CREG1: variants seen among roughly 807,000 people sequenced by gnomAD.
The protein encoded by CREG1 is cellular repressor of E1A stimulated genes 1, also known as protein CREG1.
Under a neutral mutation model 19.9 loss-of-function variants are expected in CREG1, and 20 were observed. The observed-to-expected ratio is 1.01, with a 90% CI of 0.71 to 1.46. The LOEUF (loss-of-function observed/expected upper bound fraction) is 1.46, where lower values mean the gene tolerates loss of function less well. Ranked by LOEUF, CREG1 falls within the 40% of genes most tolerant of loss-of-function variation. The pLI, the probability that CREG1 is intolerant of heterozygous loss-of-function variation, is 0.00. For synonymous variants in CREG1, 141 were observed against 143.3 expected (o/e 0.98, Z 0.12); for missense variants, 290 against 314.9 (o/e 0.92, Z 0.60).
chr1:167,551,829 C>T (rs1183460256), intron 1 of CREG1, among the ~76,000 whole-genome samples: 8 of 152,062 alleles, frequency 5.3e-5, no homozygotes, highest in Admixed American at 1.3e-4. Flanking sequence ...TTTGAGCAAA[C>T]GCCTAAAGGT....
chr1:167,547,350 C>CATGGAAAAACATTATACCAATGTAAA (rs1163555286), intron 2 of CREG1, among the ~76,000 whole-genome samples: 7 of 152,146 alleles, frequency 4.6e-5, no homozygotes. Flanking sequence ...GGAGCCCAGA[C>CATGGAAAAACATTATACCAATGTAAA]ATGGAAAAAC....
intron 1 of CREG1, 77 bp from the exon 2 acceptor site, chr1:167,548,198 A>C: frequency 1.7e-6 from 2 of 1,193,318 alleles, no homozygotes; most frequent in African/African-American, 1.5e-5. Context: ...AGTTGCATAC[A>C]TGATGTCCCT....
At chr1:167,551,594 C>A in intron 1 of CREG1, among the ~76,000 whole-genome samples, 1 of 152,218 alleles carries the variant, frequency 6.6e-6, no homozygotes, top group Admixed American at 6.5e-5. Context: ...ACCAGCAACT[C>A]CCTAGTCACC....
In CREG1 at chr1:167,541,464, G is replaced by A. The variant is rs970584597; in HGVS notation, c.*834C>T. ...GGAGGGGATTTTGTCCCTGGCTGAA[G>A]CTGGTCCATGCCTGGGTAAACTTTA... On this transcript the variant is annotated 3_prime_UTR_variant, in exon 4 of 4. Coordinates refer to ENST00000370509, the MANE Select transcript of CREG1 (RefSeq NM_003851.3). The A allele has an allele frequency of 6.6e-6, 1 of 152,208 alleles. No homozygotes were observed. The highest frequency in any genetic ancestry group is 1.5e-5 in the Non-Finnish European group (1 of 68,048). The allele number at this position is 152,208 out of a possible 1,614,324, so 9.4% of individuals were successfully genotyped here.
chr1:167,543,031 A>C (rs1571623875), intron 3 of CREG1, among the ~76,000 whole-genome samples: 1 of 152,108 alleles, frequency 6.6e-6, no homozygotes, highest in East Asian at 1.9e-4. Flanking sequence ...GCAGATCACG[A>C]GGTCAGGAGA....
chr1:167,550,329 C>A (rs986092371), intron 1 of CREG1, among the ~76,000 whole-genome samples: 1 of 152,172 alleles, frequency 6.6e-6, no homozygotes, highest in African/African-American at 2.4e-5. Flanking sequence ...AGCTCTTACG[C>A]AGCTATAGGC....
chr1:167,544,923 G>A (rs373810984), intron 3 of CREG1, among the ~76,000 whole-genome samples: 1 of 152,130 alleles, frequency 6.6e-6, no homozygotes, highest in African/African-American at 2.4e-5. Context: ...GTGTCACCTG[G>A]GAGAAGCACC....
chr1:167,547,255 C>T (rs940523569), intron 2 of CREG1, among the ~76,000 whole-genome samples: 5 of 152,204 alleles, frequency 3.3e-5, no homozygotes, highest in Admixed American at 3.3e-4. Context: ...AAATTCACTT[C>T]CAGTTTTCAG....
chr1:167,542,006 A>C lies in CREG1; in HGVS notation c.*292T>G. On this transcript the variant is annotated 3_prime_UTR_variant, in exon 4 of 4. Coordinates refer to ENST00000370509, the MANE Select transcript of CREG1 (RefSeq NM_003851.3). Reference sequence around the variant, plus strand: ...ATTCCTCTTCAAGAGCACCACTGGAAACATCTTTGGAATTGATGGGACAAA... The same window carrying C: ...ATTCCTCTTCAAGAGCACCACTGGACACATCTTTGGAATTGATGGGACAAA... 3 of 298,064 alleles carry C rather than the reference A, an allele frequency of 1.0e-5. No individual in the cohort carries two copies. The highest frequency in any genetic ancestry group is 1.9e-5 in the Non-Finnish European group (3 of 160,566). 18.5% of individuals were successfully genotyped at this position (298,064 alleles called of 1,614,324 possible). A position where few individuals can be genotyped will look rare whatever the true frequency, so the allele number is the denominator to read the frequency against.
chr1:167,546,358 A>G (rs1226986268), intron 2 of CREG1, 73 bp from the exon 3 acceptor site: 16 of 1,114,932 alleles, frequency 1.4e-5, no homozygotes, highest in Non-Finnish European at 3.9e-6. Context: ...AGAATGTGTG[A>G]TTAGGCCGGG....
At chr1:167,552,576 C>A (rs1038669779) in intron 1 of CREG1, among the ~76,000 whole-genome samples, 13 of 152,186 alleles carry the variant, frequency 8.5e-5, no homozygotes, top group African/African-American at 3.1e-4. Context: ...GCCACTATGC[C>A]TGTGGAGGCC....
chr1:167,544,924 G>A (rs188806118), intron 3 of CREG1, among the ~76,000 whole-genome samples: 2 of 152,264 alleles, frequency 1.3e-5, no homozygotes, highest in East Asian at 1.9e-4. Flanking sequence ...TGTCACCTGG[G>A]AGAAGCACCA....
Position 167,546,324 on chromosome 1 carries a change from A to G in CREG1, c.475-39T>C, listed in dbSNP as rs749839082. 30 of 1,337,628 alleles carry G rather than the reference A, an allele frequency of 2.2e-5. No individual in the cohort carries two copies. In the South Asian group the frequency reaches 4.0e-4, roughly 18 times the overall value. 82.9% of individuals were successfully genotyped at this position (1,337,628 alleles called of 1,614,324 possible). ...ATGAAATAAACATTCTTATGGCAGT[A>G]ACACTTTATCTTCTCATTTGTTAAG... On this transcript the variant is annotated intron_variant, in intron 2 of 3. Transcript: ENST00000370509.
In CREG1 at chr1:167,553,487, G is replaced by A. The variant is rs781036042; in HGVS notation, c.255C>T (p.Phe85=). The A allele has an allele frequency of 2.1e-4, 307 of 1,489,982 alleles. No homozygotes were observed. Among genetic ancestry groups the A allele is most frequent in the Non-Finnish European group, 2.3e-4 (255 of 1,127,688 alleles). 92.3% of individuals were successfully genotyped at this position (1,489,982 alleles called of 1,614,324 possible). The change falls in exon 1 of 4, where the codon TTC becomes TTT. Residue 85 remains phenylalanine, a synonymous_variant. Coordinates refer to ENST00000370509, the MANE Select transcript of CREG1 (RefSeq NM_003851.3). ...CGTCGCTGAGCGAGAGGACGTCGGC[G>A]AAGGGCCGGCCGCGCACCGCCTCCA... The part of the protein sequence containing the change: ...STLEAVRGRP[F]ADVLSLSDGP...
At chr1:167,545,862 A>G (rs1656308030) in intron 3 of CREG1, among the ~76,000 whole-genome samples, 1 of 152,222 alleles carries the variant, frequency 6.6e-6, no homozygotes, top group Non-Finnish European at 1.5e-5. Flanking sequence ...ATATATTAAT[A>G]AAACGATTAT....
rs1205985498 is a variant in CREG1 at position 167,553,641 on chromosome 1, C to CCG, written c.99_100dup (p.Gly34AlafsTer30). On this transcript the variant is annotated frameshift_variant, in exon 1 of 4. Transcript: ENST00000370509. LOFTEE classifies it high-confidence loss of function. ...CTCGTCCCAGTCCCCGTGGTCCCGG[C>CCG]CGCCGCGACCCCGCGCGGGCGACAC... is the stretch of plus-strand genomic sequence containing the variant. 3 of 1,344,008 alleles carry CCG rather than the reference C, an allele frequency of 2.2e-6. No homozygotes were observed. Among genetic ancestry groups the CCG allele is most frequent in the Non-Finnish European group, 1.9e-6 (2 of 1,052,888 alleles). The allele number at this position is 1,344,008 out of a possible 1,614,324, so 83.3% of individuals were successfully genotyped here.
intron 2 of CREG1, among the ~76,000 whole-genome samples, chr1:167,547,667 T>C (rs561391492): frequency 6.6e-6 from 1 of 152,224 alleles, no homozygotes; most frequent in Non-Finnish European, 1.5e-5. Flanking sequence ...ACGCCTGTAA[T>C]CTCAGCACTT....
intron 3 of CREG1, among the ~76,000 whole-genome samples, chr1:167,543,645 G>A (rs892001503): frequency 1.3e-5 from 2 of 152,190 alleles, no homozygotes; most frequent in African/African-American, 2.4e-5. Context: ...GGCAAACCTG[G>A]CGGGTGGGAT....
intron 1 of CREG1, among the ~76,000 whole-genome samples, chr1:167,551,280 CCT>C (rs563165310): frequency 4.8e-4 from 73 of 152,250 alleles, no homozygotes; most frequent in Middle Eastern, 3.4e-3. Flanking sequence ...GATTTCACCC[CCT>C]GTCAATGAGA....
Sources: gnomAD v4.1 joint callset for allele counts (sites outside exome capture counted in the v4.1 genomes callset) on GRCh38, gnomAD v4.1.1 for gene constraint, MANE v1.5 for transcripts, NCBI Gene and HGNC (gene_info 2026-07-23, HGNC 2026-07-21) for gene names.